The following PACRG variants were observed in gnomAD, a reference collection of about 807,000 sequenced individuals.
PACRG encodes parkin coregulated.
PACRG carries 29 observed loss-of-function variants against 29.7 expected under a neutral mutation model. The observed-to-expected ratio is 0.98, with a 90% CI of 0.73 to 1.33. The LOEUF is 1.33. Ranked by LOEUF, PACRG falls within the 40% of genes most tolerant of loss-of-function variation. PACRG has a pLI of 0.00. For missense variants in PACRG, 279 were observed against 316.2 expected (o/e 0.88, Z 0.89); for synonymous variants, 116 against 118.7 (o/e 0.98, Z 0.15).
intron 2 of PACRG, among the ~76,000 whole-genome samples, chr6:162,879,166 G>A (rs558846667): frequency 6.6e-6 from 1 of 152,180 alleles, no homozygotes; most frequent in African/African-American, 2.4e-5. Flanking sequence ...CAAGCTTCAT[G>A]TAAAATATAT....
rs527927974 is a variant in PACRG at position 163,001,017 on chromosome 6, C to T, written c.292-61133C>T. On this transcript the variant is annotated intron_variant, in intron 2 of 4. Transcript: ENST00000366888. ...TTGAAGGAGAGGCAAGAGTCTGCCC[C>T]GGGAAGGCCGAAAGAGCCCTGTCTG... is the stretch of plus-strand genomic sequence containing the variant. Among the ~76,000 whole-genome samples the T allele has an allele frequency of 1.7e-4, 26 of 152,224 alleles. No individual in the cohort carries two copies. In the South Asian group the frequency reaches 4.6e-3, roughly 27 times the overall value.
intron 4 of PACRG, among the ~76,000 whole-genome samples, chr6:163,223,926 T>C (rs1373900491): frequency 6.6e-6 from 1 of 152,180 alleles, no homozygotes; most frequent in Non-Finnish European, 1.5e-5. Context: ...GAGTTGGAGA[T>C]TCTTGCACAG....
At chr6:163,299,605 G>C (rs891843115) in intron 4 of PACRG, among the ~76,000 whole-genome samples, 4 of 152,212 alleles carry the variant, frequency 2.6e-5, no homozygotes, top group African/African-American at 9.6e-5. Context: ...ACATAGGCCG[G>C]GCACGGTGCT....
intron 2 of PACRG, among the ~76,000 whole-genome samples, chr6:162,822,876 CAT>C (rs779808224): frequency 5.3e-5 from 8 of 151,882 alleles, no homozygotes; most frequent in Non-Finnish European, 1.0e-4. Flanking sequence ...TATTATAACA[CAT>C]GTATTATAAC....
intron 2 of PACRG, among the ~76,000 whole-genome samples, chr6:162,915,797 C>A (rs1373192643): frequency 6.6e-6 from 1 of 152,034 alleles, no homozygotes; most frequent in Non-Finnish European, 1.5e-5. Flanking sequence ...AATGTAGAAA[C>A]CTTGGAACCA....
chr6:163,279,805 A>G (rs1225652601), intron 4 of PACRG, among the ~76,000 whole-genome samples: 1 of 152,228 alleles, frequency 6.6e-6, no homozygotes, highest in African/African-American at 2.4e-5. Context: ...CACATAAGTC[A>G]TATTTTCCAG....
intron 2 of PACRG, among the ~76,000 whole-genome samples, chr6:163,026,679 C>T (rs1244423049): frequency 1.3e-5 from 2 of 152,204 alleles, no homozygotes; most frequent in Non-Finnish European, 2.9e-5. Flanking sequence ...ATTTTACTGT[C>T]AGGTCCTTGA....
intron 1 of PACRG, among the ~76,000 whole-genome samples, chr6:162,797,755 A>G (rs1348662381): frequency 6.6e-6 from 1 of 151,462 alleles, no homozygotes; most frequent in Non-Finnish European, 1.5e-5. Flanking sequence ...CATTTTTCTC[A>G]TTTCTGTCCT....
At chr6:162,836,076 A>G (rs1789197250) in intron 2 of PACRG, among the ~76,000 whole-genome samples, 1 of 151,902 alleles carries the variant, frequency 6.6e-6, no homozygotes, top group South Asian at 2.1e-4. Flanking sequence ...ATATTTTTGC[A>G]TGGCTTTAAG....
intron 1 of PACRG, among the ~76,000 whole-genome samples, chr6:162,807,010 C>T (rs912533877): frequency 6.6e-6 from 1 of 152,232 alleles, no homozygotes; most frequent in African/African-American, 2.4e-5. Flanking sequence ...CTTGCTGCCT[C>T]ACCTTGCACT....
At chr6:162,960,973 T>C (rs190365840) in intron 2 of PACRG, among the ~76,000 whole-genome samples, 1 of 152,346 alleles carries the variant, frequency 6.6e-6, no homozygotes, top group Admixed American at 6.5e-5. Context: ...CTGGTTTAGG[T>C]CATGTGCCCA....
intron 2 of PACRG, among the ~76,000 whole-genome samples, chr6:163,004,273 A>G (rs1340639641): frequency 6.6e-6 from 1 of 150,676 alleles, no homozygotes; most frequent in Non-Finnish European, 1.5e-5. Flanking sequence ...ATCATTATAT[A>G]TAAAGTATAT....
At position 162,766,100 on chromosome 6, in the gene PACRG, A is replaced by G. The variant is rs542789878; in HGVS notation, c.156+37709A>G. Among the ~76,000 whole-genome samples the G allele has an allele frequency of 2.2e-4, 33 of 152,180 alleles. 1 individual carries two copies. Among genetic ancestry groups the G allele is most frequent in the Non-Finnish European group, 4.3e-4 (29 of 68,028 alleles). On this transcript the variant is annotated intron_variant, in intron 1 of 4. Coordinates refer to ENST00000366888, the MANE Select transcript of PACRG (RefSeq NM_001080379.2). ...AACATTTAAAATTCTCTCTTTAGCTATTTAAAAATATGTAATACATTATGA... is the reference window on the plus strand; with the variant it reads ...AACATTTAAAATTCTCTCTTTAGCTGTTTAAAAATATGTAATACATTATGA...
At chr6:163,011,709 A>G (rs1312724678) in intron 2 of PACRG, among the ~76,000 whole-genome samples, 1 of 152,228 alleles carries the variant, frequency 6.6e-6, no homozygotes, top group Non-Finnish European at 1.5e-5. Context: ...TCTTTAGTAA[A>G]AACAGCTTAA....
intron 1 of PACRG, among the ~76,000 whole-genome samples, chr6:162,772,091 A>G (rs1052156134): frequency 3.3e-5 from 5 of 152,256 alleles, no homozygotes; most frequent in African/African-American, 1.2e-4. Context: ...AAAGTCACAA[A>G]GAGGGAGAAA....
At chr6:163,168,996 C>T (rs1310360222) in intron 4 of PACRG, among the ~76,000 whole-genome samples, 1 of 152,224 alleles carries the variant, frequency 6.6e-6, no homozygotes, top group Admixed American at 6.5e-5. Context: ...TTTAATAACA[C>T]ATGCAGTTAT....
chr6:163,084,994 C>G (rs1813428777), intron 3 of PACRG, among the ~76,000 whole-genome samples: 2 of 151,770 alleles, frequency 1.3e-5, no homozygotes, highest in African/African-American at 4.8e-5. Context: ...CGGGCACACA[C>G]TAAAAGAACA....
At position 162,856,773 on chromosome 6, in the gene PACRG, C is replaced by G. The variant is rs1006120683; in HGVS notation, c.291+42492C>G. ...TTTGAATAATTCTTTACACCTGCTA[C>G]TTAGCCATAGTTTTGCTGGAAGGAT... On this transcript the variant is annotated intron_variant, in intron 2 of 4. Coordinates refer to ENST00000366888, the MANE Select transcript of PACRG (RefSeq NM_001080379.2). Among the ~76,000 whole-genome samples, 8 of 152,198 alleles carry G rather than the reference C, an allele frequency of 5.3e-5. No homozygotes were observed. The East Asian group carries it at 1.5e-3, about 29-fold the overall frequency.
chr6:163,280,688 C>T (rs1369677871), intron 4 of PACRG, among the ~76,000 whole-genome samples: 2 of 152,168 alleles, frequency 1.3e-5, no homozygotes, highest in Non-Finnish European at 2.9e-5. Context: ...TGCAGGTGAC[C>T]ACCTTCTCAC....
Sources: gnomAD v4.1 joint callset for allele counts (sites outside exome capture counted in the v4.1 genomes callset) on GRCh38, gnomAD v4.1.1 for gene constraint, MANE v1.5 for transcripts, NCBI Gene and HGNC (gene_info 2026-07-23, HGNC 2026-07-21) for gene names.